Variants in PTPRD observed in about 807,000 individuals in gnomAD.
PTPRD encodes the protein protein tyrosine phosphatase receptor type D.
Under a neutral mutation model 214.5 loss-of-function variants are expected in PTPRD, and 34 were observed. The ratio of observed to expected loss-of-function variants is 0.16; its 90% CI spans 0.12 to 0.21. The LOEUF (loss-of-function observed/expected upper bound fraction) is 0.21, where lower values mean the gene tolerates loss of function less well. Among genes scored for constraint, PTPRD ranks in the 10% least tolerant of loss-of-function variants. PTPRD has a pLI of 1.00. For synonymous variants in PTPRD, 1,128 were observed against 845.7 expected (o/e 1.33, Z -5.79); for missense variants, 2,545 against 2,398.7 (o/e 1.06, Z -1.27).
intron 4 of PTPRD, among the ~76,000 whole-genome samples, chr9:9,984,217 G>A (rs1042495244): frequency 6.6e-6 from 1 of 152,106 alleles, no homozygotes; most frequent in Non-Finnish European, 1.5e-5. Context: ...GTCTGATCAT[G>A]AGAAAGAAAC....
intron 10 of PTPRD, among the ~76,000 whole-genome samples, chr9:9,053,048 G>A (rs781442953): frequency 6.6e-6 from 1 of 152,068 alleles, no homozygotes; most frequent in African/African-American, 2.4e-5. Flanking sequence ...TATAGTATCA[G>A]AATTTTTTCC....
chr9:9,130,366 T>C (rs1292196339), intron 10 of PTPRD, among the ~76,000 whole-genome samples: 1 of 152,162 alleles, frequency 6.6e-6, no homozygotes, highest in Admixed American at 6.5e-5. Context: ...TCCAGTTAAG[T>C]TTCATTGGAA....
At chr9:9,369,901 G>T (rs1156990120) in intron 9 of PTPRD, among the ~76,000 whole-genome samples, 1 of 152,106 alleles carries the variant, frequency 6.6e-6, no homozygotes, top group African/African-American at 2.4e-5. Context: ...TGTCAGGTTT[G>T]TCAAAGATCA....
At chr9:9,765,074 G>A (rs983285661) in intron 6 of PTPRD, among the ~76,000 whole-genome samples, 1 of 152,046 alleles carries the variant, frequency 6.6e-6, no homozygotes, top group East Asian at 1.9e-4. Context: ...GTCTGGCAGT[G>A]CACGTCAGCT....
chr9:10,303,637 G>A (rs582823), intron 3 of PTPRD, among the ~76,000 whole-genome samples: 2 of 151,748 alleles, frequency 1.3e-5, no homozygotes, highest in African/African-American at 4.8e-5. Context: ...ATAATCATCT[G>A]TAGGCAAATA....
chr9:9,047,263 A>G (rs574413000), intron 10 of PTPRD, among the ~76,000 whole-genome samples: 8 of 152,210 alleles, frequency 5.3e-5, no homozygotes, highest in African/African-American at 1.9e-4. Context: ...AAGACACCAA[A>G]CAATGAAAAA....
chr9:8,328,029 ATAAGGTTATGTGTGAATTT>A (rs1184899509), intron 44 of PTPRD, among the ~76,000 whole-genome samples: 1 of 152,164 alleles, frequency 6.6e-6, no homozygotes, highest in East Asian at 1.9e-4. Context: ...TTTAAGGTTA[ATAAGGTTATGTGTGAATTT>A]GATCCTGTCA....
intron 21 of PTPRD, among the ~76,000 whole-genome samples, chr9:8,514,944 T>C (rs1248934469): frequency 6.6e-6 from 1 of 152,168 alleles, no homozygotes; most frequent in Non-Finnish European, 1.5e-5. Flanking sequence ...CTTCCCCCTT[T>C]GCTCTTCTCT....
At position 10,526,971 on chromosome 9, in the gene PTPRD, T is replaced by C. The variant is rs548821665; in HGVS notation, c.-600+85427A>G. Reference sequence around the variant, plus strand: ...GTCCAGAAATCCAGTTTCTCCTTTCTAACTACTATTCTTATTCCTCTTAGC... The same window carrying C: ...GTCCAGAAATCCAGTTTCTCCTTTCCAACTACTATTCTTATTCCTCTTAGC... On this transcript the variant is annotated intron_variant, in intron 2 of 45. Coordinates refer to ENST00000381196, the MANE Select transcript of PTPRD (RefSeq NM_002839.4). Among the ~76,000 whole-genome samples, 7 of 152,260 alleles carry C rather than the reference T, an allele frequency of 4.6e-5. No homozygotes were observed. The South Asian group carries it at 1.0e-3, about 23-fold the overall frequency.
chr9:9,693,283 G>C (rs1189244799), intron 7 of PTPRD, among the ~76,000 whole-genome samples: 1 of 152,050 alleles, frequency 6.6e-6, no homozygotes, highest in South Asian at 2.1e-4. Flanking sequence ...CTGGTGAGAA[G>C]TGACTGGGTT....
intron 9 of PTPRD, among the ~76,000 whole-genome samples, chr9:9,234,303 C>G (rs1400225140): frequency 6.6e-6 from 1 of 152,190 alleles, no homozygotes; most frequent in Non-Finnish European, 1.5e-5. Flanking sequence ...GCTGAAGCAA[C>G]TGGGGCACAG....
intron 2 of PTPRD, among the ~76,000 whole-genome samples, chr9:10,577,684 AC>A (rs2069932791): frequency 2.6e-5 from 4 of 152,180 alleles, no homozygotes; most frequent in Admixed American, 2.6e-4. Flanking sequence ...AATATGATTT[AC>A]CAGACTAAAT....
chr9:9,472,487 G>A (rs1395709712), intron 8 of PTPRD, among the ~76,000 whole-genome samples: 2 of 152,182 alleles, frequency 1.3e-5, no homozygotes, highest in Non-Finnish European at 2.9e-5. Context: ...ACAGGCGTGA[G>A]CCACCACGCC....
At chr9:9,251,060 A>C (rs1397101773) in intron 9 of PTPRD, among the ~76,000 whole-genome samples, 1 of 151,978 alleles carries the variant, frequency 6.6e-6, no homozygotes, top group African/African-American at 2.4e-5. Flanking sequence ...ATCCTATTTC[A>C]TTCTTTATAC....
chr9:10,117,323 C>A (rs2098738264), intron 3 of PTPRD, among the ~76,000 whole-genome samples: 2 of 152,250 alleles, frequency 1.3e-5, no homozygotes, highest in South Asian at 4.1e-4. Flanking sequence ...ATTCCTTTAG[C>A]ATACTTGTTA....
intron 5 of PTPRD, among the ~76,000 whole-genome samples, chr9:9,831,708 A>G (rs183799351): frequency 1.3e-5 from 2 of 152,122 alleles, no homozygotes; most frequent in East Asian, 3.9e-4. Context: ...TTATCTATAG[A>G]CAAACTGCGT....
intron 11 of PTPRD, among the ~76,000 whole-genome samples, chr9:8,769,181 G>C (rs2095002307): frequency 6.6e-6 from 1 of 152,168 alleles, no homozygotes; most frequent in African/African-American, 2.4e-5. Flanking sequence ...AATGATTTAT[G>C]TTATAATGTT....
intron 11 of PTPRD, among the ~76,000 whole-genome samples, chr9:8,834,927 G>A (rs1253094288): frequency 6.6e-6 from 1 of 152,190 alleles, no homozygotes; most frequent in African/African-American, 2.4e-5. Flanking sequence ...AACTCCTGGG[G>A]TTATTCAGAG....
intron 14 of PTPRD, among the ~76,000 whole-genome samples, chr9:8,611,650 A>G (rs1595219954): frequency 6.6e-6 from 1 of 151,746 alleles, no homozygotes. Flanking sequence ...GGCTGCAATG[A>G]CCTGTGTGTG....
Sources: gnomAD v4.1 joint callset for allele counts (sites outside exome capture counted in the v4.1 genomes callset) on GRCh38, gnomAD v4.1.1 for gene constraint, MANE v1.5 for transcripts, NCBI Gene and HGNC (gene_info 2026-07-23, HGNC 2026-07-21) for gene names.